The following PCDHGA1 variants were observed in gnomAD, a reference collection of about 807,000 sequenced individuals.
PCDHGA1 encodes the protein protocadherin gamma subfamily A, 1.
A neutral mutation model predicts 58.0 loss-of-function variants in PCDHGA1; 32 were observed. The ratio of observed to expected loss-of-function variants is 0.55; its 90% confidence interval spans 0.42 to 0.74. PCDHGA1 has a LOEUF of 0.74. Among genes scored for constraint, PCDHGA1 ranks in the 30% least tolerant of loss-of-function variants. The pLI, the probability that PCDHGA1 is intolerant of heterozygous loss-of-function variation, is 0.00. For missense variants in PCDHGA1, 1,205 were observed against 1,182.3 expected (o/e 1.02, Z -0.28); for synonymous variants, 498 against 501.1 (o/e 0.99, Z 0.08).
chr5:141,397,835 T>G (rs1483046343), intron 1 of PCDHGA1, among the ~76,000 whole-genome samples: 1 of 152,238 alleles, frequency 6.6e-6, no homozygotes, highest in Admixed American at 6.5e-5. Context: ...CTGGTTAACT[T>G]GAAGCCGCAG....
intron 2 of PCDHGA1, among the ~76,000 whole-genome samples, chr5:141,498,421 A>C (rs1328848787): frequency 6.6e-6 from 1 of 152,016 alleles, no homozygotes; most frequent in Non-Finnish European, 1.5e-5. Flanking sequence ...CTGGCACTGG[A>C]GTGAGGGGAT....
intron 1 of PCDHGA1, chr5:141,374,073 A>AT: frequency 6.6e-7 from 1 of 1,510,034 alleles, no homozygotes; most frequent in Non-Finnish European, 8.8e-7. Flanking sequence ...GAAGTTCCTA[A>AT]TAAGCCAGTA....
chr5:141,395,195 C>T (rs1317395472), intron 1 of PCDHGA1: 1 of 1,613,760 alleles, frequency 6.2e-7, no homozygotes, highest in Admixed American at 1.7e-5. Context: ...TGTTAACATC[C>T]GTAGATTTTC....
In PCDHGA1 at chr5:141,486,836, G is replaced by C; in HGVS notation, c.2422-7971G>C. On this transcript the variant is annotated intron_variant, in intron 1 of 3. Coordinates refer to ENST00000517417, the MANE Select transcript of PCDHGA1 (RefSeq NM_018912.3). This position sits in a 1 kb window ranked among gnomAD's most constrained non-coding sequence, Gnocchi z 5.0. ...CAGCACTGTAACAGTTCGTCTATTT[G>C]TGCTGGACCTCAATGACAATGCTCC... 1 of 1,614,242 alleles carries C rather than the reference G, an allele frequency of 6.2e-7. No individual in the cohort carries two copies. The highest frequency in any genetic ancestry group is 8.5e-7 in the Non-Finnish European group (1 of 1,180,046).
At position 141,491,910 on chromosome 5, in the gene PCDHGA1, G is replaced by T. The variant is rs946745903; in HGVS notation, c.2422-2897G>T. On this transcript the variant is annotated intron_variant, in intron 1 of 3. Coordinates refer to ENST00000517417, the MANE Select transcript of PCDHGA1 (RefSeq NM_018912.3). This position sits in a 1 kb window ranked among gnomAD's most constrained non-coding sequence, Gnocchi z 6.9. ...GGCTCCGAGCACCGGGGGTGGTGGC[G>T]ACTGTGGGCGAGGGGAGGTGGGACC... 3.6e-6 allele frequency: 5 copies of T among 1,406,946 alleles called. No individual in the cohort carries two copies. Among genetic ancestry groups the T allele is most frequent in the Non-Finnish European group, 4.7e-6 (5 of 1,059,702 alleles). 87.2% of individuals were successfully genotyped at this position (1,406,946 alleles called of 1,614,324 possible).
At chr5:141,409,381 G>T (rs1258881607) in intron 1 of PCDHGA1, 1 of 1,614,018 alleles carries the variant, frequency 6.2e-7, no homozygotes, top group Admixed American at 1.7e-5. Context: ...TTCCATTCAA[G>T]ATTTATTCTT....
intron 1 of PCDHGA1, among the ~76,000 whole-genome samples, chr5:141,474,029 C>T (rs1047673843): frequency 6.6e-6 from 1 of 152,092 alleles, no homozygotes; most frequent in Non-Finnish European, 1.5e-5. Context: ...ATGATTATTC[C>T]ACTGTACTCC....
In PCDHGA1 at chr5:141,385,322, A is replaced by C. The variant is rs1781120693; in HGVS notation, c.2421+52217A>C. On this transcript the variant is annotated intron_variant, in intron 1 of 3. Coordinates refer to ENST00000517417, the MANE Select transcript of PCDHGA1 (RefSeq NM_018912.3). ...TGTAAAGAAAACCTGCCAAGTATTC[A>C]GGTGAGCCCAGCCCTTCCTTTATTT... is the stretch of plus-strand genomic sequence containing the variant. The C allele has an allele frequency of 1.9e-6, 3 of 1,606,974 alleles. No homozygotes were observed. In the East Asian group the frequency reaches 6.7e-5, roughly 36 times the overall value.
chr5:141,350,881 A>C, intron 1 of PCDHGA1: 1 of 1,614,060 alleles, frequency 6.2e-7, no homozygotes, highest in Non-Finnish European at 8.5e-7. Context: ...CTCATCGCTT[A>C]ATCCTGACTG....
intron 1 of PCDHGA1, among the ~76,000 whole-genome samples, chr5:141,466,826 G>A (rs978548667): frequency 1.2e-4 from 18 of 152,056 alleles, no homozygotes; most frequent in Admixed American, 8.5e-4. Flanking sequence ...TAACAAGTTA[G>A]TATGGGTTTA....
intron 1 of PCDHGA1, chr5:141,340,441 T>A (rs773888771): frequency 1.2e-6 from 2 of 1,614,110 alleles, no homozygotes; most frequent in Admixed American, 1.7e-5. Context: ...TAACTTACTC[T>A]TTCGCGGAGG....
intron 1 of PCDHGA1, among the ~76,000 whole-genome samples, chr5:141,347,795 A>C (rs1758021771): frequency 6.6e-6 from 1 of 152,106 alleles, no homozygotes; most frequent in South Asian, 2.1e-4. Flanking sequence ...TCAAAAAAAA[A>C]AAAAAAGTAG....
chr5:141,396,829 A>G (rs1216305888), intron 1 of PCDHGA1, among the ~76,000 whole-genome samples: 1 of 152,206 alleles, frequency 6.6e-6, no homozygotes, highest in African/African-American at 2.4e-5. Context: ...GTGCATATTC[A>G]GTGGAGTGGG....
intron 1 of PCDHGA1, chr5:141,418,929 T>A: frequency 6.2e-7 from 1 of 1,614,034 alleles, no homozygotes; most frequent in Non-Finnish European, 8.5e-7. Flanking sequence ...GATCAGATTA[T>A]GGAGGATTCC....
At position 141,511,246 on chromosome 5, in the gene PCDHGA1, G is replaced by A; in HGVS notation, c.*73G>A. 2 of 1,578,734 alleles carry A rather than the reference G, an allele frequency of 1.3e-6. No homozygotes were observed. Among genetic ancestry groups the A allele is most frequent in the Non-Finnish European group, 1.7e-6 (2 of 1,162,472 alleles). On this transcript the variant is annotated 3_prime_UTR_variant, in exon 4 of 4. Coordinates refer to ENST00000517417, the MANE Select transcript of PCDHGA1 (RefSeq NM_018912.3). The stretch of plus-strand genomic sequence containing the variant: ...CCAGCTTCTCCTTACCTGCACCCAG[G>A]CCTCAGAGTTTCAGGGCTAACCCCC...
chr5:141,351,300 C>T, intron 1 of PCDHGA1: 1 of 1,613,856 alleles, frequency 6.2e-7, no homozygotes, highest in South Asian at 1.1e-5. Context: ...ACATTCATGT[C>T]CTTCTCTAAC....
intron 1 of PCDHGA1, among the ~76,000 whole-genome samples, chr5:141,449,606 A>AG (rs1263111904): frequency 2.0e-5 from 3 of 150,702 alleles, no homozygotes; most frequent in Non-Finnish European, 3.0e-5. Flanking sequence ...AAAAAAAAAA[A>AG]AGTAAAAAAG....
At position 141,345,267 on chromosome 5, in the gene PCDHGA1, C is replaced by A. The variant is rs770576379; in HGVS notation, c.2421+12162C>A. The A allele has an allele frequency of 1.1e-5, 18 of 1,613,882 alleles. 1 individual carries two copies. Among genetic ancestry groups the A allele is most frequent in the South Asian group, 5.5e-5 (5 of 91,068 alleles). On this transcript the variant is annotated intron_variant, in intron 1 of 3. Coordinates refer to ENST00000517417, the MANE Select transcript of PCDHGA1 (RefSeq NM_018912.3). ...CTTAGTGACGGCCACATCCCTGGAC[C>A]GCGAACAAATATCAGAATATAACAT...
chr5:141,449,537 C>T (rs1377909573), intron 1 of PCDHGA1, among the ~76,000 whole-genome samples: 1 of 146,330 alleles, frequency 6.8e-6, no homozygotes, highest in Non-Finnish European at 1.5e-5. Flanking sequence ...TGCAGTGAGC[C>T]GAGATCGCAC....
Sources: allele counts gnomAD v4.1 joint callset (sites outside exome capture counted in the v4.1 genomes callset), GRCh38; gene constraint gnomAD v4.1.1; non-coding constraint Gnocchi (gnomAD v3.1); transcripts MANE v1.5; gene names NCBI Gene and HGNC (gene_info 2026-07-23, HGNC 2026-07-21).